MCF2: variants seen among roughly 807,000 people sequenced by gnomAD.
MCF2 encodes the protein proto-oncogene DBL.
A neutral mutation model predicts 82.5 loss-of-function variants in MCF2; 44 were observed. That is an observed-to-expected ratio of 0.53 (90% confidence interval 0.42 to 0.69). The LOEUF (loss-of-function observed/expected upper bound fraction) is 0.69. MCF2 is among the 30% of genes least tolerant of loss of function. MCF2 has a pLI of 0.00. For missense variants in MCF2, 623 were observed against 663.1 expected (o/e 0.94, Z 0.66); for synonymous variants, 217 against 224.9 (o/e 0.96, Z 0.32).
chrX:139,589,739 T>A lies in MCF2; in HGVS notation c.2370+96A>T, dbSNP rs771215775. 8.2e-6 allele frequency: 5 copies of A among 606,553 alleles called. No individual in the cohort carries two copies. The East Asian group carries it at 1.7e-4, about 21-fold the overall frequency. The allele number at this position is 606,553 out of a possible 1,213,427, so 50.0% of individuals were successfully genotyped here. A position where few individuals can be genotyped will look rare whatever the true frequency, so the allele number is the denominator to read the frequency against. On this transcript the variant is annotated intron_variant, in intron 20 of 24. Transcript: ENST00000370576. ...CTGACCTACATGAAAGGGGTGGAAA[T>A]TTTGAAATGCGACCAAAATTATTTT...
chrX:139,620,870 A>G (rs1441725538), intron 6 of MCF2, among the ~76,000 whole-genome samples: 4 of 111,907 alleles, frequency 3.6e-5, no homozygotes, highest in Non-Finnish European at 1.9e-5. Flanking sequence ...ACTATTCTAA[A>G]ATTCATATGG....
exon 6 of MCF2, chrX:139,626,212 A>T: frequency 8.4e-7 from 1 of 1,189,880 alleles, no homozygotes; most frequent in Non-Finnish European, 1.1e-6. Context: ...ATCCTGCTCA[A>T]ACTTCCATAG....
intron 1 of MCF2, among the ~76,000 whole-genome samples, chrX:139,680,820 A>G (rs1408893809): frequency 8.9e-6 from 1 of 112,456 alleles, no homozygotes; most frequent in Non-Finnish European, 1.9e-5. Flanking sequence ...TCATTTTGAA[A>G]TGTACAACAT....
chrX:139,657,900 C>T (rs1296868898), intron 1 of MCF2, among the ~76,000 whole-genome samples: 2 of 111,828 alleles, frequency 1.8e-5, no homozygotes, highest in African/African-American at 6.5e-5. Flanking sequence ...GATGAAATGA[C>T]TTTCATGGAA....
At chrX:139,665,211 A>G (rs1934474929) in intron 1 of MCF2, among the ~76,000 whole-genome samples, 1 of 110,936 alleles carries the variant, frequency 9.0e-6, no homozygotes, top group South Asian at 3.9e-4. Context: ...CATGTTCCCC[A>G]AGTCCACTGG....
chrX:139,599,033 C>T (rs1381370978), intron 16 of MCF2, among the ~76,000 whole-genome samples: 1 of 109,729 alleles, frequency 9.1e-6, no homozygotes, highest in African/African-American at 3.3e-5. Context: ...GTTCCGGGAA[C>T]ATTGTAGGGG....
intron 9 of MCF2, 28 bp downstream of exon 12, chrX:139,616,254 A>G: frequency 1.1e-6 from 1 of 914,534 alleles, no homozygotes; most frequent in Middle Eastern, 4.3e-4. Context: ...TTCTTTAAAT[A>G]TTTATTTGAA....
At chrX:139,629,417 T>C (rs1343274113) in intron 4 of MCF2, among the ~76,000 whole-genome samples, 2 of 112,183 alleles carry the variant, frequency 1.8e-5, no homozygotes, top group Non-Finnish European at 3.8e-5. Context: ...TGACCGCACA[T>C]AGTAAAACAA....
intron 12 of MCF2, 82 bp from the exon 17 acceptor site, chrX:139,605,861 AG>A (rs954746926): frequency 1.5e-5 from 11 of 726,776 alleles, no homozygotes; most frequent in Non-Finnish European, 1.8e-5. Flanking sequence ...CATCATGAGA[AG>A]GTAAAAATAG....
intron 2 of MCF2, among the ~76,000 whole-genome samples, chrX:139,648,497 C>A (rs1243126196): frequency 4.5e-5 from 5 of 111,449 alleles, no homozygotes; most frequent in African/African-American, 6.5e-5. Flanking sequence ...GGAAAAGCTA[C>A]CATCTCACTA....
chrX:139,652,266 TA>T (rs1354575846), intron 1 of MCF2, among the ~76,000 whole-genome samples: 1 of 111,910 alleles, frequency 8.9e-6, no homozygotes, highest in Non-Finnish European at 1.9e-5. Flanking sequence ...TACAAGTGGT[TA>T]ACCATATAGG....
At chrX:139,687,027 G>A (rs186411566) in intron 1 of MCF2, among the ~76,000 whole-genome samples, 1 of 97,089 alleles carries the variant, frequency 1.0e-5, no homozygotes, top group East Asian at 3.4e-4. Flanking sequence ...TTCATCTCAT[G>A]CAGGCACGCA....
In MCF2 at chrX:139,596,633, T is replaced by C. The variant is rs755783202; in HGVS notation, c.2193A>G (p.Lys731=). Reference sequence around the variant, plus strand: ...CACGCCTTTTGCAAAAAACAATGGCTTTTTCATACAAGAAAAGGTGTCGCT... The same window carrying C: ...CACGCCTTTTGCAAAAAACAATGGCCTTTTCATACAAGAAAAGGTGTCGCT... The change falls in exon 19 of 25, where the codon AAA becomes AAG. Residue 731 remains lysine, a synonymous_variant. Coordinates refer to ENST00000370576, the Ensembl canonical transcript of MCF2. The C allele has an allele frequency of 5.0e-6, 6 of 1,208,480 alleles. No homozygotes were observed. In the South Asian group the frequency reaches 1.1e-4, roughly 21 times the overall value.
At chrX:139,612,258 T>C (rs1385836656) in intron 10 of MCF2, among the ~76,000 whole-genome samples, 1 of 110,456 alleles carries the variant, frequency 9.1e-6, no homozygotes, top group Non-Finnish European at 1.9e-5. Flanking sequence ...GTAGAAAGAT[T>C]GCAGGAGAGA....
chrX:139,648,012 C>T (rs1933859784), intron 2 of MCF2, among the ~76,000 whole-genome samples: 1 of 111,799 alleles, frequency 8.9e-6, no homozygotes, highest in African/African-American at 3.3e-5. Flanking sequence ...TTTTATTTGG[C>T]TGAATTTAAG....
In MCF2 at chrX:139,611,125, C is replaced by T. The variant is rs151124586; in HGVS notation, c.1364-787G>A. Among the ~76,000 whole-genome samples, 57 of 111,759 alleles carry T rather than the reference C, an allele frequency of 5.1e-4. No individual in the cohort carries two copies. In the East Asian group the frequency reaches 0.015, roughly 29 times the overall value. ...AACCAAAGACTAGATTGTTTAGATCCTAATTCTCAGGGCTGCTGAAAAGGC... is the reference window on the plus strand; with the variant it reads ...AACCAAAGACTAGATTGTTTAGATCTTAATTCTCAGGGCTGCTGAAAAGGC... On this transcript the variant is annotated intron_variant, in intron 10 of 24. Coordinates refer to ENST00000370576, the Ensembl canonical transcript of MCF2.
At chrX:139,651,149 GCTGAACTGTA>G (rs1933994082) in intron 2 of MCF2, among the ~76,000 whole-genome samples, 1 of 98,853 alleles carries the variant, frequency 1.0e-5, no homozygotes, top group South Asian at 3.8e-4. Flanking sequence ...ACTTAATGCC[GCTGAACTGTA>G]CTCTTCAAAA....
rs1484423406 is a variant in MCF2 at position 139,670,144 on chromosome X, T to C, written c.-44-18356A>G. Among the ~76,000 whole-genome samples, 5 of 111,430 alleles carry C rather than the reference T, an allele frequency of 4.5e-5. No individual in the cohort carries two copies. In the East Asian group the frequency reaches 1.4e-3, roughly 31 times the overall value. ...GAACGATGAATGTACTTTTTTCCAC[T>C]TATCTTTTCAAAAGGATTTAATTAT... On this transcript the variant is annotated intron_variant, in intron 1 of 27. Transcript: ENST00000414978.
At chrX:139,617,690 C>T (rs1366969186) in exon 8 of MCF2, 3 of 1,167,077 alleles carry the variant, frequency 2.6e-6, no homozygotes, top group Non-Finnish European at 2.3e-6. Context: ...CAAACTGGGC[C>T]TTTGATAATA....
Sources: gnomAD v4.1 joint callset for allele counts (sites outside exome capture counted in the v4.1 genomes callset) on GRCh38, gnomAD v4.1.1 for gene constraint, MANE v1.5 for transcripts, NCBI Gene and HGNC (gene_info 2026-07-23, HGNC 2026-07-21) for gene names.